XIAP: variants seen among roughly 807,000 people sequenced by gnomAD.
XIAP encodes E3 ubiquitin-protein ligase XIAP.
A neutral mutation model predicts 33.1 loss-of-function variants in XIAP; 3 were observed. The ratio of observed to expected loss-of-function variants is 0.09; its 90% CI spans 0.04 to 0.23. XIAP has a LOEUF of 0.23. Among genes scored for constraint, XIAP ranks in the 10% least tolerant of loss-of-function variants. The pLI is 1.00. For synonymous variants in XIAP, 98 were observed against 121.3 expected (o/e 0.81, Z 1.26); for missense variants, 264 against 363.0 (o/e 0.73, Z 2.22).
chrX:123,861,850 T>G (rs1018706286), intron 1 of XIAP, among the ~76,000 whole-genome samples: 7 of 111,749 alleles, frequency 6.3e-5, no homozygotes, highest in Admixed American at 4.8e-4. Context: ...TACTCATGTT[T>G]CGTTTTCTTG....
intron 1 of XIAP, among the ~76,000 whole-genome samples, chrX:123,869,362 C>CAAAAAAAAAAA (rs57436822): frequency 0.019 from 535 of 28,594 alleles, 5 homozygotes; most frequent in Middle Eastern, 0.026. Context: ...TAAAAAAATA[C>CAAAAAAAAAAA]AAAAAAAAAA....
chrX:123,903,627 TTTTGTTTTGTTTTTTG>T (rs1437094665), intron 6 of XIAP, among the ~76,000 whole-genome samples: 15 of 67,693 alleles, frequency 2.2e-4, no homozygotes, highest in Non-Finnish European at 3.2e-4. Flanking sequence ...CAGTTTTTTT[TTTTGTTTTGTTTTTTG>T]TTTTTTTTAG....
Position 123,868,294 on chromosome X carries a change from AAAAC to A in XIAP, c.-33+8012_-33+8015del, listed in dbSNP as rs770017097. ...AGTGACAAGAGTGAGGCCCTGTCTC[AAAAC>A]AAACAAACAAGCAAACAAACAAACA... On this transcript the variant is annotated intron_variant, in intron 1 of 6. Coordinates refer to ENST00000371199, the MANE Select transcript of XIAP (RefSeq NM_001167.4). Among the ~76,000 whole-genome samples the A allele has an allele frequency of 2.4e-3, 270 of 111,811 alleles. 1 individual carries two copies. The highest frequency in any genetic ancestry group is 8.0e-3 in the African/African-American group (247 of 30,747).
chrX:123,906,903 G>A lies in XIAP; in HGVS notation c.1301-85G>A, dbSNP rs145328144. 8.2e-4 allele frequency: 910 copies of A among 1,104,538 alleles called. 4 individuals are homozygous for A. In the African/African-American group the frequency reaches 0.014, roughly 17 times the overall value. 91.0% of individuals were successfully genotyped at this position (1,104,538 alleles called of 1,213,427 possible). On this transcript the variant is annotated intron_variant, in intron 6 of 6. Transcript: ENST00000371199. ...CCGGCACTTGTTGGGTGCTTGGCACGTAGTAGGGGCTCAATAAATGTTTTC... is the reference window on the plus strand; with the variant it reads ...CCGGCACTTGTTGGGTGCTTGGCACATAGTAGGGGCTCAATAAATGTTTTC...
Position 123,909,891 on chromosome X carries a change from G to A in XIAP, c.*2710G>A, listed in dbSNP as rs1377877974. ...CTGTGTTTGAACTATAAAAAGCACCGGATCTTTTCCATCTAATTCCGCAAA... is the reference window on the plus strand; with the variant it reads ...CTGTGTTTGAACTATAAAAAGCACCAGATCTTTTCCATCTAATTCCGCAAA... On this transcript the variant is annotated 3_prime_UTR_variant, in exon 7 of 7. Transcript: ENST00000371199. 6.1e-6 allele frequency: 2 copies of A among 327,866 alleles called. No homozygotes were observed. Among genetic ancestry groups the A allele is most frequent in the East Asian group, 9.8e-5 (1 of 10,256 alleles). 27.0% of individuals were successfully genotyped at this position (327,866 alleles called of 1,213,427 possible).
intron 1 of XIAP, among the ~76,000 whole-genome samples, chrX:123,863,137 A>G (rs1488071499): frequency 1.8e-5 from 2 of 110,665 alleles, no homozygotes; most frequent in African/African-American, 6.6e-5. Context: ...CTTTGTAGAT[A>G]AGAACATATT....
intron 3 of XIAP, among the ~76,000 whole-genome samples, chrX:123,889,910 T>C (rs2053388811): frequency 9.2e-6 from 1 of 108,755 alleles, no homozygotes; most frequent in South Asian, 4.0e-4. Context: ...TGAGAGCCCA[T>C]ATTGCCAAGG....
At chrX:123,861,822 G>A (rs762304571) in intron 1 of XIAP, among the ~76,000 whole-genome samples, 11 of 111,631 alleles carry the variant, frequency 9.9e-5, no homozygotes, top group Non-Finnish European at 1.7e-4. Context: ...AGCTGACAAA[G>A]CAGACCTCAT....
chrX:123,862,066 TTATC>T (rs933685723), intron 1 of XIAP, among the ~76,000 whole-genome samples: 8 of 111,181 alleles, frequency 7.2e-5, no homozygotes, highest in Non-Finnish European at 1.5e-4. Flanking sequence ...GTGTTTTTTT[TTATC>T]AATTAATTAA....
rs763009968 is a variant in XIAP at position 123,913,247 on chromosome X, G to A, written c.*6066G>A. 26 of 326,612 alleles carry A rather than the reference G, an allele frequency of 8.0e-5. No homozygotes were observed. Among genetic ancestry groups the A allele is most frequent in the Admixed American group, 4.4e-4 (14 of 31,886 alleles). 26.9% of individuals were successfully genotyped at this position (326,612 alleles called of 1,213,427 possible). On this transcript the variant is annotated 3_prime_UTR_variant, in exon 7 of 7. Transcript: ENST00000371199. ...AGCAGTTTCCGAGGCTGAGGCAGGC[G>A]GCTCACCTGAGGTCAGGAGTTGGAG...
rs1257921743 is a variant in XIAP, at chrX:123,900,466, C to G, written c.1100-27C>G. The G allele has an allele frequency of 7.0e-6, 8 of 1,150,499 alleles. No individual in the cohort carries two copies. The African/African-American group carries it at 7.1e-5, about 10-fold the overall frequency. 94.8% of individuals were successfully genotyped at this position (1,150,499 alleles called of 1,213,427 possible). A position where few individuals can be genotyped will look rare whatever the true frequency, so the allele number is the denominator to read the frequency against. Reference sequence around the variant, plus strand: ...AAAATAATTGTTTAAATTCTATGTTCTTTTTCCTCACCAATTTTTATTTCA... The same window carrying G: ...AAAATAATTGTTTAAATTCTATGTTGTTTTTCCTCACCAATTTTTATTTCA... On this transcript the variant is annotated intron_variant, in intron 5 of 6. Transcript: ENST00000371199.
intron 1 of XIAP, among the ~76,000 whole-genome samples, chrX:123,879,723 G>A (rs527450970): frequency 1.8e-5 from 2 of 111,793 alleles, no homozygotes; most frequent in Non-Finnish European, 3.8e-5. Context: ...ATTACTTTCC[G>A]AGTCTTGTCT....
intron 1 of XIAP, among the ~76,000 whole-genome samples, chrX:123,881,459 A>T (rs1299113226): frequency 9.1e-6 from 1 of 110,010 alleles, no homozygotes; most frequent in Non-Finnish European, 1.9e-5. Flanking sequence ...TCCACCTTTC[A>T]CTCTTAAACT....
At chrX:123,904,773 G>A (rs1018450253) in intron 6 of XIAP, among the ~76,000 whole-genome samples, 11 of 111,534 alleles carry the variant, frequency 9.9e-5, no homozygotes, top group East Asian at 2.8e-4. Flanking sequence ...ACAGGCATGC[G>A]CCACCACACC....
At chrX:123,890,484 G>A (rs2053397161) in intron 3 of XIAP, among the ~76,000 whole-genome samples, 4 of 106,529 alleles carry the variant, frequency 3.8e-5, no homozygotes, top group Admixed American at 1.0e-4. Context: ...AAAAAAATTA[G>A]CCAGTCATGA....
At chrX:123,891,420 C>T (rs2053406954) in intron 4 of XIAP, 104 bp downstream of exon 4, 1 of 403,325 alleles carries the variant, frequency 2.5e-6, no homozygotes, top group Non-Finnish European at 4.2e-6. Flanking sequence ...GTTATTTCTT[C>T]ATGTGATATT....
intron 1 of XIAP, among the ~76,000 whole-genome samples, chrX:123,879,605 G>A (rs1411518309): frequency 1.8e-5 from 2 of 108,708 alleles, no homozygotes; most frequent in Non-Finnish European, 3.8e-5. Flanking sequence ...GTGAGCCACC[G>A]CGCCTGGCCA....
rs751232471 is a variant in XIAP at position 123,910,321 on chromosome X, G to A, written c.*3140G>A. The A allele has an allele frequency of 3.0e-6, 1 of 329,175 alleles. No homozygotes were observed. The highest frequency in any genetic ancestry group is 2.6e-5 in the South Asian group (1 of 38,456). 27.1% of individuals were successfully genotyped at this position (329,175 alleles called of 1,213,427 possible). A position where few individuals can be genotyped will look rare whatever the true frequency, so the allele number is the denominator to read the frequency against. On this transcript the variant is annotated 3_prime_UTR_variant, in exon 7 of 7. Transcript: ENST00000371199. ...AATGTGATTTGGCCCTGTGTATTAT[G>A]ATATTTTGTTATTTTTGTTGTTATA... is the stretch of plus-strand genomic sequence containing the variant.
intron 1 of XIAP, among the ~76,000 whole-genome samples, chrX:123,877,843 G>A (rs1189529441): frequency 1.8e-5 from 2 of 110,536 alleles, no homozygotes; most frequent in East Asian, 5.7e-4. Flanking sequence ...GCGTGGTGGC[G>A]GGCGCCTGTA....
Sources: gnomAD v4.1 joint callset for allele counts (sites outside exome capture counted in the v4.1 genomes callset) on GRCh38, gnomAD v4.1.1 for gene constraint, MANE v1.5 for transcripts, NCBI Gene and HGNC (gene_info 2026-07-23, HGNC 2026-07-21) for gene names.